The following SLC9A2 variants were observed in gnomAD, a reference collection of about 807,000 sequenced individuals.
The protein encoded by SLC9A2 is solute carrier family 9 member A2.
Under a neutral mutation model 71.7 loss-of-function variants are expected in SLC9A2, and 42 were observed. The ratio of observed to expected loss-of-function variants is 0.59; its 90% CI spans 0.46 to 0.76. SLC9A2 has a LOEUF of 0.76. SLC9A2 is among the 30% of genes least tolerant of loss of function. The pLI is 0.00. For missense variants in SLC9A2, 829 were observed against 1,017.4 expected, an observed-to-expected ratio of 0.81 and a Z score of 2.52; for synonymous variants, 396 against 392.5, an observed-to-expected ratio of 1.01 and a Z score of -0.10.
At chr2:102,707,789 C>T (rs1164478605) in intron 11 of SLC9A2, among the ~76,000 whole-genome samples, 2 of 152,170 alleles carry the variant, frequency 1.3e-5, no homozygotes, top group African/African-American at 4.8e-5. Flanking sequence ...CCACCATCTA[C>T]AAATACCTCT....
intron 1 of SLC9A2, among the ~76,000 whole-genome samples, chr2:102,631,995 GATATATAT>G (rs59553931): frequency 0.012 from 531 of 43,230 alleles, 25 homozygotes; most frequent in African/African-American, 0.034. Flanking sequence ...TGAAAGTGGG[GATATATAT>G]ATATATATAT....
chr2:102,650,540 T>C (rs1389621166), intron 1 of SLC9A2, among the ~76,000 whole-genome samples: 1 of 152,236 alleles, frequency 6.6e-6, no homozygotes, highest in African/African-American at 2.4e-5. Flanking sequence ...ATTATTTTTG[T>C]TTAATGTTAA....
intron 5 of SLC9A2, among the ~76,000 whole-genome samples, chr2:102,684,555 G>A (rs1247545992): frequency 1.3e-5 from 2 of 152,160 alleles, no homozygotes; most frequent in East Asian, 3.8e-4. Flanking sequence ...TATTATTTAA[G>A]GAAACTAAAC....
intron 1 of SLC9A2, among the ~76,000 whole-genome samples, chr2:102,651,173 C>T (rs1676826076): frequency 6.6e-6 from 1 of 152,142 alleles, no homozygotes; most frequent in Non-Finnish European, 1.5e-5. Flanking sequence ...TGGTTGGAAG[C>T]CACTCTCAGC....
At chr2:102,685,859 C>T (rs1677537141) in intron 5 of SLC9A2, among the ~76,000 whole-genome samples, 1 of 152,108 alleles carries the variant, frequency 6.6e-6, no homozygotes, top group South Asian at 2.1e-4. Context: ...TCTCTGGCCA[C>T]TAGCAGAGAA....
At chr2:102,662,901 T>G (rs1265805187) in intron 2 of SLC9A2, among the ~76,000 whole-genome samples, 2 of 152,014 alleles carry the variant, frequency 1.3e-5, no homozygotes, top group Admixed American at 1.3e-4. Flanking sequence ...GCCTCCTAGG[T>G]GCAGGCTGGA....
chr2:102,707,607 C>A (rs1160878867), intron 11 of SLC9A2, among the ~76,000 whole-genome samples: 1 of 152,146 alleles, frequency 6.6e-6, no homozygotes, highest in Non-Finnish European at 1.5e-5. Flanking sequence ...TAAAGGAAAT[C>A]AGCAAAACCA....
intron 10 of SLC9A2, 62 bp from the exon 11 acceptor site, chr2:102,705,784 T>C (rs1677962736): frequency 2.1e-6 from 2 of 968,058 alleles, no homozygotes; most frequent in South Asian, 1.8e-5. Flanking sequence ...CAATTTTTAA[T>C]CTTTAATATA....
chr2:102,708,710 C>T lies in SLC9A2; in HGVS notation c.*221C>T, dbSNP rs1176753007. 5 of 500,366 alleles carry T rather than the reference C, an allele frequency of 1.0e-5. No individual in the cohort carries two copies. The highest frequency in any genetic ancestry group is 1.7e-5 in the Non-Finnish European group (5 of 288,686). The allele number at this position is 500,366 out of a possible 1,614,324, so 31.0% of individuals were successfully genotyped here. On this transcript the variant is annotated 3_prime_UTR_variant, in exon 12 of 12. Transcript: ENST00000233969. ...AATACCTTTTGTGACTAATGGGTAG[C>T]AATCGTATTATTTGCTGGCCTGAAG...
intron 11 of SLC9A2, among the ~76,000 whole-genome samples, chr2:102,706,734 AG>A (rs1249920706): frequency 1.3e-5 from 2 of 152,208 alleles, no homozygotes; most frequent in Non-Finnish European, 2.9e-5. Flanking sequence ...ATGGGGCCCA[AG>A]GGCAGGTAAA....
intron 2 of SLC9A2, among the ~76,000 whole-genome samples, chr2:102,663,602 G>A (rs563447906): frequency 1.3e-5 from 2 of 152,308 alleles, no homozygotes; most frequent in African/African-American, 4.8e-5. Context: ...TTAATCAGGA[G>A]GTCAGGAGAC....
At chr2:102,639,475 T>G (rs1676531611) in intron 1 of SLC9A2, among the ~76,000 whole-genome samples, 1 of 152,192 alleles carries the variant, frequency 6.6e-6, no homozygotes, top group South Asian at 2.1e-4. Context: ...AATCAGAATT[T>G]CAGAACACTG....
rs17776875 is a variant in SLC9A2 at position 102,710,782 on chromosome 2, G to C, written c.*2293G>C. 32,702 of 152,136 alleles carry C rather than the reference G, an allele frequency of 0.21. 4,080 individuals are homozygous for C. The highest frequency in any genetic ancestry group is 0.3 in the Middle Eastern group (87 of 294). The allele number at this position is 152,136 out of a possible 1,614,324, so 9.4% of individuals were successfully genotyped here. On this transcript the variant is annotated 3_prime_UTR_variant, in exon 12 of 12. Transcript: ENST00000233969. ...TGTCACAATCTAAATTTCTGTAGTAGAGAGAGCCGTAGCCCTTTGTAAAGG... is the reference window on the plus strand; with the variant it reads ...TGTCACAATCTAAATTTCTGTAGTACAGAGAGCCGTAGCCCTTTGTAAAGG...
At position 102,619,780 on chromosome 2, in the gene SLC9A2, C is replaced by T; in HGVS notation, c.-69C>T. On this transcript the variant is annotated 5_prime_UTR_variant, in exon 1 of 12. Transcript: ENST00000233969. The surrounding 1 kb of genome is among the most constrained non-coding windows in gnomAD (Gnocchi z 4.3). ...GGGCAGGGCGGAGCGGGCTGAGCAG[C>T]CCGGGCGCGATGCGTTGAGCGCTCG... is the stretch of plus-strand genomic sequence containing the variant. 1 of 1,384,782 alleles carries T rather than the reference C, an allele frequency of 7.2e-7. No individual in the cohort carries two copies. Among genetic ancestry groups the T allele is most frequent in the Non-Finnish European group, 9.5e-7 (1 of 1,052,676 alleles). 85.8% of individuals were successfully genotyped at this position (1,384,782 alleles called of 1,614,324 possible).
chr2:102,697,995 T>C (rs1479300245), intron 7 of SLC9A2, among the ~76,000 whole-genome samples: 1 of 151,616 alleles, frequency 6.6e-6, no homozygotes, highest in African/African-American at 2.4e-5. Context: ...AGCAGAGAAA[T>C]GAAAGGTGTG....
In SLC9A2 at chr2:102,684,201, C is replaced by T. The variant is rs1400287968; in HGVS notation, c.1290C>T (p.Phe430=). 6.2e-7 allele frequency: 1 copy of T among 1,614,100 alleles called. No individual in the cohort carries two copies. The highest frequency in any genetic ancestry group is 2.2e-5 in the East Asian group (1 of 44,878). The change falls in exon 5 of 12, where the codon TTC becomes TTT. Residue 430 remains phenylalanine, a synonymous_variant. Coordinates refer to ENST00000233969, the MANE Select transcript of SLC9A2 (RefSeq NM_003048.6). ...TTCCCCTGACCTTTAAGGACCAGTT[C>T]ATCATTGCCTATGGAGGACTTCGAG... ...RTIPLTFKDQ[F]IIAYGGLRGA... is the part of the protein sequence containing the mutation.
intron 10 of SLC9A2, among the ~76,000 whole-genome samples, chr2:102,704,965 G>T (rs1439628014): frequency 6.6e-6 from 1 of 152,136 alleles, no homozygotes; most frequent in Non-Finnish European, 1.5e-5. Flanking sequence ...GGAAGCCGAA[G>T]CCGAGGCAGG....
chr2:102,647,144 C>T (rs1192142858), intron 1 of SLC9A2, among the ~76,000 whole-genome samples: 1 of 152,144 alleles, frequency 6.6e-6, no homozygotes, highest in Non-Finnish European at 1.5e-5. Flanking sequence ...AATTATAACT[C>T]AGGATTAAGA....
chr2:102,646,898 C>A (rs1573406031), intron 1 of SLC9A2, among the ~76,000 whole-genome samples: 1 of 151,600 alleles, frequency 6.6e-6, no homozygotes, highest in Non-Finnish European at 1.5e-5. Flanking sequence ...GTATATTAGA[C>A]AGATCAACAA....
Sources: gnomAD v4.1 joint callset for allele counts (sites outside exome capture counted in the v4.1 genomes callset) on GRCh38, gnomAD v4.1.1 for gene constraint, Gnocchi (gnomAD v3.1) non-coding constraint, MANE v1.5 for transcripts, NCBI Gene and HGNC (gene_info 2026-07-23, HGNC 2026-07-21) for gene names.